Variants in CFAP61 observed in about 807,000 individuals in gnomAD.
CFAP61 encodes cilia- and flagella-associated protein 61.
In CFAP61, 107 loss-of-function variants were observed where a neutral mutation model predicts 135.6. The observed-to-expected ratio is 0.79, with a 90% CI of 0.67 to 0.93. The LOEUF is 0.93. CFAP61 is among the 40% of genes least tolerant of loss of function. The pLI, the probability that CFAP61 is intolerant of heterozygous loss-of-function variation, is 0.00. For synonymous variants in CFAP61, 575 were observed against 578.5 expected, an observed-to-expected ratio of 0.99 and a Z score of 0.09; for missense variants, 1,507 against 1,556.2, an observed-to-expected ratio of 0.97 and a Z score of 0.53.
intron 25 of CFAP61, among the ~76,000 whole-genome samples, chr20:20,302,685 TAGGGGTAGTG>T (rs145050747): frequency 0.04 from 6,064 of 152,140 alleles, 417 homozygotes; most frequent in African/African-American, 0.14. Flanking sequence ...AAAAGTTAAG[TAGGGGTAGTG>T]AGGGGTAGTG....
chr20:20,121,082 G>A (rs935739252), intron 8 of CFAP61, among the ~76,000 whole-genome samples: 3 of 146,734 alleles, frequency 2.0e-5, no homozygotes, highest in East Asian at 3.9e-4. Context: ...CTATTCATTT[G>A]CTCTATGTCT....
intron 13 of CFAP61, among the ~76,000 whole-genome samples, chr20:20,180,103 G>GTC (rs2054941271): frequency 1.3e-5 from 2 of 152,130 alleles, no homozygotes; most frequent in African/African-American, 2.4e-5. Flanking sequence ...TGGAAGAAAA[G>GTC]TTTTGCAAAC....
chr20:20,269,964 A>AAACC (rs2053217104), intron 21 of CFAP61, among the ~76,000 whole-genome samples: 1 of 152,178 alleles, frequency 6.6e-6, no homozygotes, highest in Non-Finnish European at 1.5e-5. Flanking sequence ...ATAAAATGAT[A>AAACC]AACCCTGTCT....
intron 17 of CFAP61, among the ~76,000 whole-genome samples, chr20:20,212,674 C>A (rs1308930852): frequency 6.6e-6 from 1 of 152,204 alleles, no homozygotes; most frequent in Non-Finnish European, 1.5e-5. Flanking sequence ...CCTCCACCCC[C>A]ACCTGCCACT....
At chr20:20,099,577 AC>A (rs939336435) in intron 8 of CFAP61, among the ~76,000 whole-genome samples, 79 of 59,310 alleles carry the variant, frequency 1.3e-3, no homozygotes, top group African/African-American at 4.5e-3. Context: ...TACCTCCCAC[AC>A]GGGGGGGGGG....
At chr20:20,270,773 G>A (rs2053278155) in intron 21 of CFAP61, among the ~76,000 whole-genome samples, 1 of 151,024 alleles carries the variant, frequency 6.6e-6, no homozygotes, top group Non-Finnish European at 1.5e-5. Context: ...GGGTTCAAAT[G>A]ATCCTCCTAC....
chr20:20,244,463 C>T (rs2050275115), intron 18 of CFAP61, among the ~76,000 whole-genome samples: 1 of 152,232 alleles, frequency 6.6e-6, no homozygotes, highest in Non-Finnish European at 1.5e-5. Context: ...AGGCTTGTAT[C>T]CACTGAAGCC....
chr20:20,335,532 A>G (rs1436031332), intron 25 of CFAP61, among the ~76,000 whole-genome samples: 1 of 152,226 alleles, frequency 6.6e-6, no homozygotes, highest in East Asian at 1.9e-4. Context: ...AACTCTCCTT[A>G]GAAGAAAGGA....
chr20:20,228,919 CT>C (rs745727520), intron 18 of CFAP61, among the ~76,000 whole-genome samples: 11 of 152,238 alleles, frequency 7.2e-5, no homozygotes, highest in Non-Finnish European at 1.5e-4. Context: ...TCAATAGACA[CT>C]CCACATAATC....
chr20:20,067,460 G>T (rs2146557694), intron 2 of CFAP61, among the ~76,000 whole-genome samples: 1 of 151,502 alleles, frequency 6.6e-6, no homozygotes, highest in East Asian at 1.9e-4. Flanking sequence ...TGGCCAACAT[G>T]GTGAAACCTT....
rs540291306 is a variant in CFAP61 at position 20,313,601 on chromosome 20, A to G, written c.3422+15215A>G. Among the ~76,000 whole-genome samples the G allele has an allele frequency of 2.0e-5, 3 of 152,326 alleles. No individual in the cohort carries two copies. In the East Asian group the frequency reaches 5.8e-4, roughly 29 times the overall value. On this transcript the variant is annotated intron_variant, in intron 25 of 26. Transcript: ENST00000245957. The stretch of plus-strand genomic sequence containing the variant: ...CAGTCCCGGGTTCTAACATTATACC[A>G]GCCTTAAGTTCATTCTCTAGGCATA...
At chr20:20,138,225 G>A (rs1043391228) in intron 8 of CFAP61, among the ~76,000 whole-genome samples, 5 of 152,222 alleles carry the variant, frequency 3.3e-5, no homozygotes, top group African/African-American at 1.2e-4. Context: ...CCTGGGATTA[G>A]GGGAGGGGTA....
chr20:20,283,136 G>A (rs986941338), intron 22 of CFAP61, among the ~76,000 whole-genome samples: 52 of 152,110 alleles, frequency 3.4e-4, no homozygotes, highest in African/African-American at 1.2e-3. Context: ...GCTGAGAGAA[G>A]GGTATTAAAA....
chr20:20,319,563 A>T (rs905873100), intron 25 of CFAP61, among the ~76,000 whole-genome samples: 1 of 152,208 alleles, frequency 6.6e-6, no homozygotes, highest in Non-Finnish European at 1.5e-5. Context: ...TGCTCTGGCC[A>T]TGTAAGACAT....
chr20:20,251,560 C>T (rs1241889760), intron 19 of CFAP61, 35 bp from the exon 20 acceptor site: 1 of 1,608,286 alleles, frequency 6.2e-7, no homozygotes, highest in African/African-American at 1.3e-5. Context: ...CTGTCAGCTG[C>T]TCAGATGTCA....
intron 26 of CFAP61, among the ~76,000 whole-genome samples, chr20:20,345,016 T>C (rs2058580054): frequency 6.6e-6 from 1 of 152,204 alleles, no homozygotes; most frequent in South Asian, 2.1e-4. Flanking sequence ...ACAAATATTG[T>C]ATATTCTCAC....
At chr20:20,261,662 C>T (rs868366913) in intron 20 of CFAP61, among the ~76,000 whole-genome samples, 2 of 151,980 alleles carry the variant, frequency 1.3e-5, no homozygotes, top group Non-Finnish European at 1.5e-5. Flanking sequence ...TTAATTTGAA[C>T]GAATATAATA....
chr20:20,196,663 G>A lies in CFAP61; in HGVS notation c.1684G>A (p.Ala562Thr), dbSNP rs1326262898. 6.2e-7 allele frequency: 1 copy of A among 1,614,060 alleles called. No individual in the cohort carries two copies. Residue 562 changes from alanine (A) to threonine (T), a missense_variant, in exon 16 of 27, where the codon GCC (alanine) becomes ACC (threonine). Ala to Thr is a moderately conservative substitution (Grantham distance 58). Transcript: ENST00000245957. The stretch of plus-strand genomic sequence containing the variant: ...AGAACACGGGCACATGCATCACTTT[G>A]CCCTCAACCCCATTTTCCGGCACTA... ...REEHGHMHHFALNPIFRHYTK... is the reference protein window; with the variant it reads ...REEHGHMHHFTLNPIFRHYTK...
chr20:20,297,950 G>C (rs1232120619), intron 24 of CFAP61, among the ~76,000 whole-genome samples: 1 of 152,190 alleles, frequency 6.6e-6, no homozygotes, highest in East Asian at 1.9e-4. Flanking sequence ...TAGAAACACA[G>C]AACAAGGCAA....
Sources: gnomAD v4.1 joint callset for allele counts (sites outside exome capture counted in the v4.1 genomes callset) on GRCh38, gnomAD v4.1.1 for gene constraint, MANE v1.5 for transcripts, NCBI Gene and HGNC (gene_info 2026-07-23, HGNC 2026-07-21) for gene names.